The following GABRG3 variants were observed in gnomAD, a reference collection of about 807,000 sequenced individuals.
GABRG3 encodes the protein gamma-aminobutyric acid receptor subunit gamma-3.
In GABRG3, 25 loss-of-function variants were observed where a neutral mutation model predicts 48.8. The ratio of observed to expected loss-of-function variants is 0.51; its 90% CI spans 0.37 to 0.72. GABRG3 has a LOEUF of 0.72. Ranked by LOEUF, GABRG3 falls within the 30% of genes least tolerant of loss-of-function variation. GABRG3 has a pLI of 0.00. For missense variants in GABRG3, 394 were observed against 577.9 expected (o/e 0.68, Z 3.26); for synonymous variants, 227 against 217.6 (o/e 1.04, Z -0.38).
intron 2 of GABRG3, among the ~76,000 whole-genome samples, chr15:26,996,291 AG>A (rs1895338719): frequency 6.6e-6 from 1 of 152,102 alleles, no homozygotes; most frequent in African/African-American, 2.4e-5. Flanking sequence ...CTTGTAATGC[AG>A]GTGCATTAGC....
At chr15:27,043,068 C>A (rs1043634523) in intron 3 of GABRG3, among the ~76,000 whole-genome samples, 2 of 152,166 alleles carry the variant, frequency 1.3e-5, no homozygotes, top group East Asian at 3.9e-4. Flanking sequence ...CTAACTTGCT[C>A]GTGCTCCTTC....
At chr15:27,425,165 G>A (rs1465929826) in intron 5 of GABRG3, among the ~76,000 whole-genome samples, 1 of 152,170 alleles carries the variant, frequency 6.6e-6, no homozygotes, top group East Asian at 1.9e-4. Flanking sequence ...GGAGGCCCCT[G>A]GCTTGTTGAC....
chr15:27,479,377 A>G (rs1415267534), intron 5 of GABRG3, among the ~76,000 whole-genome samples: 1 of 152,156 alleles, frequency 6.6e-6, no homozygotes, highest in Non-Finnish European at 1.5e-5. Flanking sequence ...GTTAAGGGAG[A>G]GCATGTATCC....
At chr15:27,125,320 G>C (rs183949497) in intron 3 of GABRG3, among the ~76,000 whole-genome samples, 6 of 152,200 alleles carry the variant, frequency 3.9e-5, no homozygotes, top group Admixed American at 3.9e-4. Context: ...AAGCAGAGAG[G>C]AGAATAGAGG....
intron 5 of GABRG3, chr15:27,428,091 G>C (rs1292435493): frequency 6.5e-6 from 1 of 153,090 alleles, no homozygotes; most frequent in African/African-American, 2.4e-5. Flanking sequence ...GTCTTGCTAT[G>C]TTGCCCAGGC....
At chr15:27,500,093 G>T (rs1393814623) in intron 6 of GABRG3, among the ~76,000 whole-genome samples, 1 of 152,206 alleles carries the variant, frequency 6.6e-6, no homozygotes, top group Non-Finnish European at 1.5e-5. Context: ...GTGGGGAGTG[G>T]ACTTTACGTT....
chr15:27,341,766 C>T (rs1894187795), intron 5 of GABRG3, among the ~76,000 whole-genome samples: 1 of 152,160 alleles, frequency 6.6e-6, no homozygotes. Context: ...GGAGGACAGT[C>T]AGAACCAAAA....
At chr15:27,197,472 T>A (rs1004131352) in intron 3 of GABRG3, among the ~76,000 whole-genome samples, 11 of 61,672 alleles carry the variant, frequency 1.8e-4, no homozygotes, top group Admixed American at 3.8e-4. Context: ...AACGGCTATT[T>A]TTTTTTTTTT....
At chr15:27,501,417 G>A (rs775413434) in intron 6 of GABRG3, among the ~76,000 whole-genome samples, 8 of 152,074 alleles carry the variant, frequency 5.3e-5, no homozygotes, top group Non-Finnish European at 1.0e-4. Flanking sequence ...GTTATGGGAC[G>A]AAACGAGCAT....
At chr15:27,418,061 A>C (rs573994876) in intron 5 of GABRG3, among the ~76,000 whole-genome samples, 1 of 152,288 alleles carries the variant, frequency 6.6e-6, no homozygotes, top group East Asian at 1.9e-4. Flanking sequence ...GCCCGCACTG[A>C]AGATCAGCAT....
intron 5 of GABRG3, among the ~76,000 whole-genome samples, chr15:27,417,929 T>C (rs1195545252): frequency 6.6e-6 from 1 of 152,192 alleles, no homozygotes; most frequent in East Asian, 1.9e-4. Context: ...GCCTAGGCTC[T>C]TGCCTATACT....
intron 3 of GABRG3, among the ~76,000 whole-genome samples, chr15:27,134,293 G>T (rs1402733855): frequency 6.6e-6 from 1 of 152,172 alleles, no homozygotes; most frequent in Non-Finnish European, 1.5e-5. Context: ...CACAGGATTT[G>T]TGCAAGAGAC....
intron 5 of GABRG3, among the ~76,000 whole-genome samples, chr15:27,414,886 T>G (rs1887896674): frequency 6.6e-6 from 1 of 152,162 alleles, no homozygotes; most frequent in Non-Finnish European, 1.5e-5. Flanking sequence ...ATAACAGCAA[T>G]TCCCTTTCCT....
intron 5 of GABRG3, among the ~76,000 whole-genome samples, chr15:27,394,730 T>G (rs563827920): frequency 6.6e-6 from 1 of 152,332 alleles, no homozygotes; most frequent in African/African-American, 2.4e-5. Context: ...TACAAAATTC[T>G]TGGTTGACAA....
intron 2 of GABRG3, among the ~76,000 whole-genome samples, chr15:26,994,478 TAA>T (rs1242598711): frequency 6.6e-6 from 1 of 152,034 alleles, no homozygotes; most frequent in African/African-American, 2.4e-5. Context: ...GGAAAACTAA[TAA>T]AAACTCTACA....
At chr15:27,014,937 T>C (rs1228397307) in intron 2 of GABRG3, among the ~76,000 whole-genome samples, 2 of 152,206 alleles carry the variant, frequency 1.3e-5, no homozygotes, top group Admixed American at 6.5e-5. Flanking sequence ...CCTTATAAAA[T>C]TGGGAACTCT....
At chr15:27,257,354 CTT>C in intron 3 of GABRG3, among the ~76,000 whole-genome samples, 1 of 152,222 alleles carries the variant, frequency 6.6e-6, no homozygotes, top group South Asian at 2.1e-4. Flanking sequence ...TAGGTTGTCT[CTT>C]TGTTGATTGT....
intron 5 of GABRG3, chr15:27,340,998 A>T: frequency 1.9e-6 from 1 of 514,130 alleles, no homozygotes. Flanking sequence ...AAAGAAGGGC[A>T]AGATGGCTGG....
At chr15:27,420,624 A>T (rs1295833396) in intron 5 of GABRG3, 1 of 152,210 alleles carries the variant, frequency 6.6e-6, no homozygotes, top group East Asian at 1.9e-4. Context: ...CAGTGTATAC[A>T]TATATCAAAA....
Sources: gnomAD v4.1 joint callset for allele counts (sites outside exome capture counted in the v4.1 genomes callset) on GRCh38, gnomAD v4.1.1 for gene constraint, MANE v1.5 for transcripts, NCBI Gene and HGNC (gene_info 2026-07-23, HGNC 2026-07-21) for gene names.